Variants in PLCH1 observed in about 807,000 individuals in gnomAD.
PLCH1 encodes phospholipase C eta 1, also known as 1-phosphatidylinositol 4,5-bisphosphate phosphodiesterase eta-1.
In PLCH1, 60 loss-of-function variants were observed where a neutral mutation model predicts 126.7. The ratio of observed to expected loss-of-function variants is 0.47; its 90% CI spans 0.38 to 0.59. The LOEUF (loss-of-function observed/expected upper bound fraction) is 0.59. Ranked by LOEUF, PLCH1 falls within the 20% of genes least tolerant of loss-of-function variation. The pLI, the probability that PLCH1 is intolerant of heterozygous loss-of-function variation, is 0.00. For missense variants in PLCH1, 1,723 were observed against 2,040.0 expected, an observed-to-expected ratio of 0.84 and a Z score of 2.99; for synonymous variants, 719 against 734.9, an observed-to-expected ratio of 0.98 and a Z score of 0.35.
At chr3:155,729,989 C>T (rs1332026056) in intron 1 of PLCH1, among the ~76,000 whole-genome samples, 2 of 151,530 alleles carry the variant, frequency 1.3e-5, no homozygotes, top group African/African-American at 4.9e-5. Context: ...AGAATGGCCT[C>T]TCTTTAGAAG....
In PLCH1 at chr3:155,565,095, G is replaced by C; in HGVS notation, c.889C>G (p.Pro297Ala). The change falls in exon 8 of 23, where the codon CCT becomes GCT. Residue 297 changes from proline to alanine, a missense_variant. This residue lies in a region of PLCH1 where 776 missense variants were observed against 1,062.9 expected (regional missense o/e 0.73). Transcript: ENST00000460012. ...IEGFTNFMRS[P>A]ACDIFNPLHH... ...AATGGGTTAAATATGTCACAGGCAG[G>C]ACTACGCATGAAGTTCGTGAAGCCT... The C allele has an allele frequency of 6.2e-7, 1 of 1,613,618 alleles. No homozygotes were observed. The highest frequency in any genetic ancestry group is 8.5e-7 in the Non-Finnish European group (1 of 1,179,546).
At chr3:155,490,604 T>C (rs1716033951) in intron 19 of PLCH1, 180 bp downstream of exon 19, 1 of 471,560 alleles carries the variant, frequency 2.1e-6, no homozygotes. Flanking sequence ...ACCATAAAAA[T>C]AAGCCACGCA....
intron 2 of PLCH1, among the ~76,000 whole-genome samples, chr3:155,618,723 G>A (rs766946596): frequency 2.0e-5 from 3 of 152,122 alleles, no homozygotes; most frequent in South Asian, 2.1e-4. Context: ...AGGGCTCACT[G>A]CAGCCTTGAC....
At chr3:155,721,838 G>T (rs145716621) in intron 1 of PLCH1, among the ~76,000 whole-genome samples, 1 of 152,108 alleles carries the variant, frequency 6.6e-6, no homozygotes, top group African/African-American at 2.4e-5. Context: ...ACCTGAAGTC[G>T]GGAGTTCAAG....
chr3:155,696,147 A>G (rs550395624), intron 2 of PLCH1, among the ~76,000 whole-genome samples: 84 of 152,356 alleles, frequency 5.5e-4, no homozygotes, highest in African/African-American at 1.9e-3. Flanking sequence ...ACACTAGGCT[A>G]GAGGCTTTAA....
intron 21 of PLCH1, among the ~76,000 whole-genome samples, chr3:155,463,414 G>A (rs187352643): frequency 6.6e-6 from 1 of 152,270 alleles, no homozygotes; most frequent in East Asian, 1.9e-4. Flanking sequence ...ACACCCAGCT[G>A]AGTACCTAGC....
intron 10 of PLCH1, among the ~76,000 whole-genome samples, chr3:155,540,122 C>T (rs573041994): frequency 6.6e-6 from 1 of 152,032 alleles, no homozygotes; most frequent in Non-Finnish European, 1.5e-5. Context: ...ACAAAGCAAA[C>T]AAAAACATAA....
intron 1 of PLCH1, among the ~76,000 whole-genome samples, chr3:155,725,443 T>C (rs1351032901): frequency 1.4e-5 from 2 of 141,282 alleles, no homozygotes; most frequent in Non-Finnish European, 3.0e-5. Context: ...ATCCTTATAT[T>C]TTAGACACTT....
chr3:155,602,462 A>G (rs1733859010), intron 2 of PLCH1, among the ~76,000 whole-genome samples: 1 of 152,180 alleles, frequency 6.6e-6, no homozygotes, highest in African/African-American at 2.4e-5. Flanking sequence ...AAAGTAACAC[A>G]GTCCTGCACC....
At chr3:155,563,961 G>C (rs772771268) in intron 8 of PLCH1, among the ~76,000 whole-genome samples, 3 of 151,820 alleles carry the variant, frequency 2.0e-5, no homozygotes, top group Non-Finnish European at 4.4e-5. Flanking sequence ...CTCACAGGTG[G>C]GGTCTCACTG....
intron 8 of PLCH1, among the ~76,000 whole-genome samples, chr3:155,559,534 A>G (rs1238093206): frequency 6.6e-6 from 1 of 152,188 alleles, no homozygotes; most frequent in East Asian, 1.9e-4. Context: ...CTCAAGAAAA[A>G]CATTCCAGAA....
chr3:155,647,358 C>A (rs1315477976), intron 2 of PLCH1, among the ~76,000 whole-genome samples: 1 of 151,794 alleles, frequency 6.6e-6, no homozygotes, highest in Non-Finnish European at 1.5e-5. Context: ...CGCTTGACTG[C>A]CTCATTCAAT....
At chr3:155,735,653 A>T (rs1559972842) in intron 1 of PLCH1, among the ~76,000 whole-genome samples, 2 of 151,424 alleles carry the variant, frequency 1.3e-5, no homozygotes, top group Non-Finnish European at 2.9e-5. Context: ...AAAAAAACTG[A>T]TAAGGGTAGA....
At chr3:155,653,051 G>T (rs536949773) in intron 2 of PLCH1, among the ~76,000 whole-genome samples, 1 of 152,026 alleles carries the variant, frequency 6.6e-6, no homozygotes, top group Non-Finnish European at 1.5e-5. Flanking sequence ...CTACTGCCAC[G>T]TGGGTGGGTG....
intron 2 of PLCH1, among the ~76,000 whole-genome samples, chr3:155,702,355 C>T (rs1030177529): frequency 1.3e-5 from 2 of 151,672 alleles, no homozygotes; most frequent in African/African-American, 4.8e-5. Flanking sequence ...TTAATTAAAA[C>T]GGAGATGGCA....
intron 9 of PLCH1, among the ~76,000 whole-genome samples, chr3:155,550,657 A>G (rs1291738812): frequency 6.6e-6 from 1 of 152,214 alleles, no homozygotes; most frequent in Non-Finnish European, 1.5e-5. Context: ...GGCTGATTAC[A>G]TGATTTTACT....
chr3:155,549,177 C>T (rs1440306330), intron 10 of PLCH1, among the ~76,000 whole-genome samples: 5 of 152,150 alleles, frequency 3.3e-5, no homozygotes, highest in Non-Finnish European at 7.4e-5. Flanking sequence ...CTATTCTTTG[C>T]ATGAATAATA....
intron 2 of PLCH1, among the ~76,000 whole-genome samples, chr3:155,615,282 T>C (rs759502253): frequency 3.3e-5 from 5 of 151,996 alleles, no homozygotes; most frequent in Non-Finnish European, 7.4e-5. Flanking sequence ...AATCAAAAAA[T>C]ACTAAGTGTT....
intron 10 of PLCH1, among the ~76,000 whole-genome samples, chr3:155,543,931 A>G (rs1370271777): frequency 6.6e-6 from 1 of 152,120 alleles, no homozygotes; most frequent in African/African-American, 2.4e-5. Flanking sequence ...CCACTGCAAA[A>G]TCATGCCAAA....
Sources: gnomAD v4.1 joint callset for allele counts (sites outside exome capture counted in the v4.1 genomes callset) on GRCh38, gnomAD v4.1.1 for gene constraint, gnomAD v4.1.1 regional missense constraint, MANE v1.5 for transcripts, NCBI Gene and HGNC (gene_info 2026-07-23, HGNC 2026-07-21) for gene names.